The following WDR7 variants were observed in gnomAD, a reference collection of about 807,000 sequenced individuals.
WDR7 encodes the protein WD repeat-containing protein 7.
A neutral mutation model predicts 169.4 loss-of-function variants in WDR7; 46 were observed. The ratio of observed to expected loss-of-function variants is 0.27; its 90% confidence interval spans 0.21 to 0.35. WDR7 has a LOEUF of 0.35. Among genes scored for constraint, WDR7 ranks in the 10% least tolerant of loss-of-function variants. The pLI, the probability that WDR7 is intolerant of heterozygous loss-of-function variation, is 1.00. For missense variants in WDR7, 1,534 were observed against 1,859.3 expected, an observed-to-expected ratio of 0.83 and a Z score of 3.22; for synonymous variants, 612 against 666.8, an observed-to-expected ratio of 0.92 and a Z score of 1.27.
intron 7 of WDR7, among the ~76,000 whole-genome samples, chr18:56,687,816 T>TG (rs1328256271): frequency 2.6e-5 from 4 of 152,146 alleles, no homozygotes; most frequent in Non-Finnish European, 5.9e-5. Flanking sequence ...TTTGTAGAGA[T>TG]GGGGTCTCAC....
intron 19 of WDR7, among the ~76,000 whole-genome samples, chr18:56,803,850 G>A (rs1003486823): frequency 6.6e-6 from 1 of 152,176 alleles, no homozygotes; most frequent in Non-Finnish European, 1.5e-5. Context: ...CGCCCAGGCT[G>A]GAGTGTAGCG....
chr18:56,973,731 A>G (rs571727527), intron 26 of WDR7, among the ~76,000 whole-genome samples: 10 of 152,192 alleles, frequency 6.6e-5, no homozygotes, highest in Non-Finnish European at 1.5e-4. Flanking sequence ...GATAGGTTGT[A>G]AAGAGTGCTG....
intron 26 of WDR7, among the ~76,000 whole-genome samples, chr18:56,979,392 T>G (rs960843105): frequency 1.3e-5 from 2 of 152,198 alleles, no homozygotes; most frequent in Non-Finnish European, 2.9e-5. Context: ...GTCCCTACTG[T>G]TGAAGACACA....
chr18:56,811,661 T>C (rs920128349), intron 19 of WDR7, among the ~76,000 whole-genome samples: 1 of 152,154 alleles, frequency 6.6e-6, no homozygotes, highest in Non-Finnish European at 1.5e-5. Context: ...TTATATAAAT[T>C]ATGAGCCTTA....
intron 25 of WDR7, among the ~76,000 whole-genome samples, chr18:56,956,553 G>A (rs1657425): frequency 0.011 from 1,748 of 152,194 alleles, 39 homozygotes; most frequent in African/African-American, 0.04. Context: ...GTCCTGTCTA[G>A]CCAAGGAGGT....
chr18:57,030,135 G>A (rs979322575), downstream of WDR7: 1 of 152,222 alleles, frequency 6.6e-6, no homozygotes, highest in Non-Finnish European at 1.5e-5. Flanking sequence ...GCTAGGCTGA[G>A]ATCATCAAGT....
intron 16 of WDR7, among the ~76,000 whole-genome samples, chr18:56,772,786 A>G (rs990313774): frequency 6.6e-6 from 1 of 151,782 alleles, no homozygotes; most frequent in Non-Finnish European, 1.5e-5. Context: ...ATTGGTTAGG[A>G]GATGTGGTTT....
intron 21 of WDR7, among the ~76,000 whole-genome samples, chr18:56,880,684 G>A (rs966927873): frequency 3.3e-5 from 5 of 152,150 alleles, no homozygotes; most frequent in Non-Finnish European, 7.4e-5. Flanking sequence ...TTATGAAAAA[G>A]AGCATACATG....
chr18:56,907,233 T>C (rs1386793883), intron 21 of WDR7, among the ~76,000 whole-genome samples: 1 of 152,224 alleles, frequency 6.6e-6, no homozygotes, highest in Non-Finnish European at 1.5e-5. Flanking sequence ...GACGGTGAAG[T>C]GTGAATCAAT....
At chr18:56,991,662 G>C (rs955093887) in intron 26 of WDR7, among the ~76,000 whole-genome samples, 3 of 152,188 alleles carry the variant, frequency 2.0e-5, no homozygotes, top group Non-Finnish European at 2.9e-5. Context: ...AGTGATTATA[G>C]AGTAAGAAAG....
At chr18:56,868,080 G>T (rs1459303043) in intron 20 of WDR7, among the ~76,000 whole-genome samples, 1 of 152,102 alleles carries the variant, frequency 6.6e-6, no homozygotes, top group African/African-American at 2.4e-5. Context: ...ATACTATGTT[G>T]CCCCTAACTA....
chr18:56,855,234 G>GT (rs57565346), intron 20 of WDR7, among the ~76,000 whole-genome samples: 99,780 of 150,590 alleles, frequency 0.66, 35,571 homozygotes, highest in East Asian at 0.81. Context: ...TCTTTTGCCT[G>GT]TTTTTTTTTC....
At chr18:56,770,968 G>T (rs1180939207) in intron 16 of WDR7, among the ~76,000 whole-genome samples, 2 of 152,234 alleles carry the variant, frequency 1.3e-5, no homozygotes, top group East Asian at 3.9e-4. Context: ...TGGTATTAAT[G>T]AATTTATAAC....
chr18:56,800,766 C>CT (rs2145157012), intron 19 of WDR7, among the ~76,000 whole-genome samples: 1 of 152,322 alleles, frequency 6.6e-6, no homozygotes, highest in African/African-American at 2.4e-5. Context: ...ATGGCCTCAT[C>CT]TTTTTTTCTT....
intron 19 of WDR7, among the ~76,000 whole-genome samples, chr18:56,785,094 G>T (rs1039886365): frequency 3.3e-5 from 5 of 152,154 alleles, no homozygotes; most frequent in African/African-American, 1.2e-4. Flanking sequence ...CAGGCTAAGG[G>T]AGTAGGGATT....
chr18:56,804,826 C>T (rs1338984445), intron 19 of WDR7, among the ~76,000 whole-genome samples: 1 of 152,196 alleles, frequency 6.6e-6, no homozygotes, highest in Non-Finnish European at 1.5e-5. Flanking sequence ...AACATCTCTT[C>T]ATTTATTGAG....
chr18:56,722,113 T>A (rs1273954922), intron 13 of WDR7, among the ~76,000 whole-genome samples: 1 of 152,224 alleles, frequency 6.6e-6, no homozygotes, highest in East Asian at 1.9e-4. Flanking sequence ...AATTATGAAT[T>A]AATGTATATT....
intron 20 of WDR7, among the ~76,000 whole-genome samples, chr18:56,834,304 TG>T (rs2045362106): frequency 6.6e-6 from 1 of 152,154 alleles, no homozygotes; most frequent in African/African-American, 2.4e-5. Flanking sequence ...TGTCGTCCAC[TG>T]GTTAGTAGTA....
At chr18:56,944,550 C>T (rs1180006282) in intron 25 of WDR7, among the ~76,000 whole-genome samples, 1 of 152,094 alleles carries the variant, frequency 6.6e-6, no homozygotes, top group African/African-American at 2.4e-5. Flanking sequence ...TTCTTCAAAA[C>T]ATATTTAAAA....
Sources: gnomAD v4.1 joint callset for allele counts (sites outside exome capture counted in the v4.1 genomes callset) on GRCh38, gnomAD v4.1.1 for gene constraint, MANE v1.5 for transcripts, NCBI Gene and HGNC (gene_info 2026-07-23, HGNC 2026-07-21) for gene names.